The following MFHAS1 variants were observed in gnomAD, a reference collection of about 807,000 sequenced individuals.
MFHAS1 encodes the protein malignant fibrous histiocytoma-amplified sequence 1.
MFHAS1 carries 50 observed loss-of-function variants against 70.4 expected under a neutral mutation model. The observed-to-expected ratio is 0.71, with a 90% confidence interval of 0.57 to 0.90. MFHAS1 has a LOEUF of 0.90. Among genes scored for constraint, MFHAS1 ranks in the 40% least tolerant of loss-of-function variants. MFHAS1 has a pLI of 0.00. For missense variants in MFHAS1, 1,795 were observed against 1,347.6 expected, an observed-to-expected ratio of 1.33 and a Z score of -5.20; for synonymous variants, 952 against 620.0, an observed-to-expected ratio of 1.54 and a Z score of -7.96.
intron 1 of MFHAS1, among the ~76,000 whole-genome samples, chr8:8,854,950 C>T (rs1445102098): frequency 6.6e-6 from 1 of 151,640 alleles, no homozygotes; most frequent in East Asian, 1.9e-4. Flanking sequence ...CACTCTATAC[C>T]CCACGCTGGA....
chr8:8,829,589 G>A (rs892741639), intron 1 of MFHAS1, among the ~76,000 whole-genome samples: 5 of 152,202 alleles, frequency 3.3e-5, no homozygotes, highest in Admixed American at 1.3e-4. Context: ...GCTGAGGCAG[G>A]AGAATCGCTT....
At chr8:8,837,054 C>G (rs1183415244) in intron 1 of MFHAS1, among the ~76,000 whole-genome samples, 1 of 152,124 alleles carries the variant, frequency 6.6e-6, no homozygotes, top group Admixed American at 6.5e-5. Context: ...AATGGCGGAA[C>G]TTGTGACTTT....
intron 1 of MFHAS1, among the ~76,000 whole-genome samples, chr8:8,861,044 A>T (rs568397187): frequency 7.6e-4 from 116 of 152,330 alleles, no homozygotes; most frequent in African/African-American, 2.7e-3. Context: ...CGTGCCTTTT[A>T]ATTTCATCAC....
intron 2 of MFHAS1, among the ~76,000 whole-genome samples, chr8:8,787,923 T>G: frequency 6.6e-6 from 1 of 152,206 alleles, no homozygotes; most frequent in East Asian, 1.9e-4. Flanking sequence ...TTTCCACATT[T>G]GGGATCTTAG....
At chr8:8,840,560 G>T (rs1807781957) in intron 1 of MFHAS1, among the ~76,000 whole-genome samples, 1 of 151,964 alleles carries the variant, frequency 6.6e-6, no homozygotes, top group Non-Finnish European at 1.5e-5. Context: ...GTCATTCATG[G>T]ACCCGACCCG....
At chr8:8,800,970 C>G (rs1806065154) in intron 1 of MFHAS1, among the ~76,000 whole-genome samples, 1 of 152,100 alleles carries the variant, frequency 6.6e-6, no homozygotes, top group African/African-American at 2.4e-5. Context: ...AATCCCAGCA[C>G]TCTGGGAGGC....
At chr8:8,807,638 G>T (rs1806375711) in intron 1 of MFHAS1, among the ~76,000 whole-genome samples, 1 of 152,158 alleles carries the variant, frequency 6.6e-6, no homozygotes, top group Non-Finnish European at 1.5e-5. Flanking sequence ...TGAAAAGAAG[G>T]CATTCGCGTG....
intron 1 of MFHAS1, among the ~76,000 whole-genome samples, chr8:8,872,690 T>G (rs1809123479): frequency 6.6e-6 from 1 of 151,940 alleles, no homozygotes; most frequent in African/African-American, 2.4e-5. Context: ...CTGGCTGCAG[T>G]GAGGCCTGGC....
Position 8,890,553 on chromosome 8 carries a change from G to C in MFHAS1, c.2506C>G (p.Pro836Ala). The C allele has an allele frequency of 6.2e-7, 1 of 1,613,490 alleles. No individual in the cohort carries two copies. The highest frequency in any genetic ancestry group is 8.5e-7 in the Non-Finnish European group (1 of 1,180,048). The change falls in exon 1 of 3, where the codon CCC becomes GCC. Residue 836 changes from proline to alanine, a missense_variant. Pro to Ala is a conservative substitution (Grantham distance 27). Transcript: ENST00000276282. Reference sequence around the variant, plus strand: ...GACCCATTCAAAGGCTTGCCCTTGGGTTTATTGAGGCAGTAACAGAGTCCC... The same window carrying C: ...GACCCATTCAAAGGCTTGCCCTTGGCTTTATTGAGGCAGTAACAGAGTCCC... ...KMGLCYCLNK[P>A]KGKPLNGSTA... is the part of the protein sequence containing the mutation.
At chr8:8,806,451 G>A (rs1806291548) in intron 1 of MFHAS1, among the ~76,000 whole-genome samples, 1 of 152,222 alleles carries the variant, frequency 6.6e-6, no homozygotes, top group African/African-American at 2.4e-5. Flanking sequence ...GTTGCAGGAA[G>A]CTGAGTCACC....
chr8:8,800,023 T>G (rs1368288761), intron 1 of MFHAS1, among the ~76,000 whole-genome samples: 1 of 152,220 alleles, frequency 6.6e-6, no homozygotes, highest in African/African-American at 2.4e-5. Flanking sequence ...CTGGGGCCCT[T>G]ACTCTTTGCC....
Position 8,892,421 on chromosome 8 carries a change from C to G in MFHAS1, c.638G>C (p.Ser213Thr). 3.1e-6 allele frequency: 5 copies of G among 1,612,772 alleles called. No individual in the cohort carries two copies. Among genetic ancestry groups the G allele is most frequent in the Non-Finnish European group, 4.2e-6 (5 of 1,179,658 alleles). Residue 213 changes from serine to threonine, a missense_variant, in exon 1 of 3, where the codon AGC becomes ACC. Ser to Thr is a moderately conservative substitution (Grantham distance 58). Coordinates refer to ENST00000276282, the MANE Select transcript of MFHAS1 (RefSeq NM_004225.3). This position sits in a 1 kb window ranked among gnomAD's most constrained non-coding sequence, Gnocchi z 4.7. ...LVALEELDVSSNRLRGLPEDI... is the reference protein window; with the variant it reads ...LVALEELDVSTNRLRGLPEDI... Reference sequence around the variant, plus strand: ...CTCAGGCAGGCCCCGCAGCCGGTTGCTGGACACGTCCAGCTCCTCCAGGGC... The same window carrying G: ...CTCAGGCAGGCCCCGCAGCCGGTTGGTGGACACGTCCAGCTCCTCCAGGGC...
At chr8:8,831,121 C>CA (rs1807370471) in intron 1 of MFHAS1, among the ~76,000 whole-genome samples, 1 of 151,744 alleles carries the variant, frequency 6.6e-6, no homozygotes, top group Admixed American at 6.6e-5. Flanking sequence ...GTTATGTCCT[C>CA]ACATGGCAGA....
chr8:8,892,542 G>C lies in MFHAS1; in HGVS notation c.517C>G (p.Leu173Val), dbSNP rs1255383406. 6.3e-6 allele frequency: 10 copies of C among 1,597,142 alleles called. No individual in the cohort carries two copies. In the East Asian group the frequency reaches 1.8e-4, roughly 29 times the overall value. The change falls in exon 1 of 3, where the codon CTG becomes GTG. Residue 173 changes from leucine (L) to valine (V), a missense_variant. By Grantham distance (32) the Leu-to-Val change is conservative (BLOSUM62 1). Transcript: ENST00000276282. This position sits in a 1 kb window ranked among gnomAD's most constrained non-coding sequence, Gnocchi z 4.7. ...LDVSFNRLAHLPDSLSCLSRL... is the reference protein window; with the variant it reads ...LDVSFNRLAHVPDSLSCLSRL... ...GAGAGGCAGGAGAGGGAGTCAGGCAGGTGCGCCAGCCGGTTAAAGCTGACA... is the reference window on the plus strand; with the variant it reads ...GAGAGGCAGGAGAGGGAGTCAGGCACGTGCGCCAGCCGGTTAAAGCTGACA...
chr8:8,802,450 CAA>C (rs1312838996), intron 1 of MFHAS1, among the ~76,000 whole-genome samples: 6 of 152,178 alleles, frequency 3.9e-5, no homozygotes, highest in Non-Finnish European at 8.8e-5. Context: ...TCTAAATACA[CAA>C]AGAGTTCATA....
chr8:8,797,999 C>A (rs1459384072), intron 1 of MFHAS1, among the ~76,000 whole-genome samples: 1 of 152,190 alleles, frequency 6.6e-6, no homozygotes, highest in African/African-American at 2.4e-5. Flanking sequence ...AAGATCAGCC[C>A]AGCCTCCTCT....
chr8:8,884,053 C>A (rs1003348054), intron 1 of MFHAS1, among the ~76,000 whole-genome samples: 1 of 91,262 alleles, frequency 1.1e-5, no homozygotes, highest in African/African-American at 6.4e-5. Context: ...CACACACACA[C>A]ACACACACAC....
At chr8:8,884,956 C>T (rs1477123708) in intron 1 of MFHAS1, among the ~76,000 whole-genome samples, 2 of 151,592 alleles carry the variant, frequency 1.3e-5, no homozygotes, top group African/African-American at 2.4e-5. Context: ...CTGCCCCCAC[C>T]CCCCCAAAAA....
intron 1 of MFHAS1, 112 bp from the exon 2 acceptor site, chr8:8,797,603 A>G: frequency 1.7e-6 from 2 of 1,202,120 alleles, no homozygotes; most frequent in Middle Eastern, 2.1e-4. Context: ...GCAGAGGTGA[A>G]GCAACGAAGG....
Sources: allele counts gnomAD v4.1 joint callset (sites outside exome capture counted in the v4.1 genomes callset), GRCh38; gene constraint gnomAD v4.1.1; non-coding constraint Gnocchi (gnomAD v3.1); transcripts MANE v1.5; gene names NCBI Gene and HGNC (gene_info 2026-07-23, HGNC 2026-07-21).